PLPPR1: variants seen among roughly 807,000 people sequenced by gnomAD.
The protein encoded by PLPPR1 is phospholipid phosphatase-related protein type 1.
Under a neutral mutation model 33.1 loss-of-function variants are expected in PLPPR1, and 10 were observed. That is an observed-to-expected ratio of 0.30 (90% CI 0.19 to 0.51). The LOEUF is 0.51. Ranked by LOEUF, PLPPR1 falls within the 20% of genes least tolerant of loss-of-function variation. The probability of loss-of-function intolerance (pLI) is 0.97; values close to 1 mark genes in which losing one functional copy is unlikely to be tolerated. For missense variants in PLPPR1, 304 were observed against 408.1 expected (o/e 0.74, Z 2.20); for synonymous variants, 151 against 151.0 (o/e 1.00, Z 0.00).
chr9:101,258,600 G>A (rs13340724), intron 2 of PLPPR1, among the ~76,000 whole-genome samples: 1,631 of 152,256 alleles, frequency 0.011, 21 homozygotes, highest in African/African-American at 0.035. Context: ...CCTTAAACAA[G>A]TGAATAAATA....
intron 4 of PLPPR1, among the ~76,000 whole-genome samples, chr9:101,302,731 AT>A (rs1426894859): frequency 2.0e-5 from 3 of 152,126 alleles, no homozygotes; most frequent in Admixed American, 6.5e-5. Flanking sequence ...GTGGGATAAG[AT>A]TTTTTTATCA....
chr9:101,056,538 CT>C (rs969029460), intron 1 of PLPPR1, among the ~76,000 whole-genome samples: 45 of 152,156 alleles, frequency 3.0e-4, no homozygotes, highest in African/African-American at 1.0e-3. Flanking sequence ...GTAGCAATAC[CT>C]TGTGGCCTTT....
chr9:101,272,337 G>A (rs1219668346), intron 3 of PLPPR1, among the ~76,000 whole-genome samples: 2 of 152,042 alleles, frequency 1.3e-5, no homozygotes, highest in Admixed American at 6.6e-5. Flanking sequence ...AATGTTTCAA[G>A]GCCTTTTCAT....
intron 2 of PLPPR1, among the ~76,000 whole-genome samples, chr9:101,199,022 G>T (rs1490562913): frequency 6.6e-6 from 1 of 152,180 alleles, no homozygotes; most frequent in Non-Finnish European, 1.5e-5. Flanking sequence ...CAGAAGTGGT[G>T]CTGAGAACCT....
At chr9:101,295,500 C>T (rs1828608790) in intron 4 of PLPPR1, among the ~76,000 whole-genome samples, 1 of 152,166 alleles carries the variant, frequency 6.6e-6, no homozygotes, top group Non-Finnish European at 1.5e-5. Flanking sequence ...CCAATTCAAT[C>T]CTAAGCCAAA....
At chr9:101,122,314 T>A (rs557557038) in intron 1 of PLPPR1, among the ~76,000 whole-genome samples, 1 of 152,306 alleles carries the variant, frequency 6.6e-6, no homozygotes, top group South Asian at 2.1e-4. Flanking sequence ...TTCCTTCGTT[T>A]TACAAATACT....
At chr9:101,269,809 G>A in intron 2 of PLPPR1, 71 bp from the exon 3 acceptor site, 3 of 1,432,586 alleles carry the variant, frequency 2.1e-6, no homozygotes, top group Non-Finnish European at 3.0e-6. Flanking sequence ...GATGGAGGGA[G>A]TGTGCTCTGA....
chr9:101,178,939 G>C (rs1279604357), intron 1 of PLPPR1, among the ~76,000 whole-genome samples: 1 of 152,118 alleles, frequency 6.6e-6, no homozygotes, highest in Non-Finnish European at 1.5e-5. Context: ...AGTTCCAGAG[G>C]GAGGAACACT....
intron 1 of PLPPR1, among the ~76,000 whole-genome samples, chr9:101,039,950 A>G (rs1830057474): frequency 6.6e-6 from 1 of 152,088 alleles, no homozygotes; most frequent in Admixed American, 6.5e-5. Flanking sequence ...ATAGAGACTT[A>G]AACCAGAAGT....
intron 2 of PLPPR1, among the ~76,000 whole-genome samples, chr9:101,203,628 A>T (rs1826531268): frequency 6.9e-6 from 1 of 143,886 alleles, no homozygotes; most frequent in African/African-American, 2.5e-5. Context: ...GAGGAAAAAA[A>T]TGGACATCTG....
At chr9:101,036,255 T>C (rs901646435) in intron 1 of PLPPR1, among the ~76,000 whole-genome samples, 1 of 152,146 alleles carries the variant, frequency 6.6e-6, no homozygotes, top group Non-Finnish European at 1.5e-5. Context: ...GAACAGTGTA[T>C]ATGGCAAGGG....
At chr9:101,294,652 A>G (rs1314073608) in intron 4 of PLPPR1, among the ~76,000 whole-genome samples, 1 of 152,146 alleles carries the variant, frequency 6.6e-6, no homozygotes, top group Admixed American at 6.6e-5. Context: ...TTCAGTATAC[A>G]CAAATCAATA....
chr9:101,158,427 T>A (rs1424371411), intron 1 of PLPPR1, among the ~76,000 whole-genome samples: 1 of 152,144 alleles, frequency 6.6e-6, no homozygotes, highest in Admixed American at 6.5e-5. Context: ...TCATCTCAGT[T>A]TGGATCTTTC....
chr9:101,279,823 G>A (rs1031455989), intron 3 of PLPPR1, among the ~76,000 whole-genome samples: 4 of 151,684 alleles, frequency 2.6e-5, no homozygotes, highest in African/African-American at 9.7e-5. Flanking sequence ...GTACTAAGAG[G>A]GAATTTTATA....
intron 1 of PLPPR1, among the ~76,000 whole-genome samples, chr9:101,106,419 G>A (rs1427259583): frequency 7.7e-6 from 1 of 129,270 alleles, no homozygotes; most frequent in African/African-American, 3.2e-5. Context: ...GCTTTGTTTG[G>A]CTGGATATGA....
chr9:101,093,165 GATAAGAATAACA>G (rs1202074126), intron 1 of PLPPR1, among the ~76,000 whole-genome samples: 1 of 152,178 alleles, frequency 6.6e-6, no homozygotes, highest in Non-Finnish European at 1.5e-5. Flanking sequence ...TTTCAAATTT[GATAAGAATAACA>G]ATAGCACTTT....
chr9:101,285,750 A>G (rs867846869), intron 3 of PLPPR1, among the ~76,000 whole-genome samples: 2 of 152,178 alleles, frequency 1.3e-5, no homozygotes, highest in Non-Finnish European at 2.9e-5. Context: ...TCTTGGGCAC[A>G]TTGGCTGTCT....
At chr9:101,268,479 TGCTAGAG>T (rs1242296275) in intron 2 of PLPPR1, among the ~76,000 whole-genome samples, 2 of 152,168 alleles carry the variant, frequency 1.3e-5, no homozygotes, top group African/African-American at 2.4e-5. Flanking sequence ...TGCCTCTCTG[TGCTAGAG>T]TTTAGCTACT....
At chr9:101,286,364 T>A (rs536447636) in intron 4 of PLPPR1, 128 bp downstream of exon 4, 653 of 804,984 alleles carry the variant, frequency 8.1e-4, no homozygotes, top group Non-Finnish European at 1.1e-3. Flanking sequence ...ATTTTCCTGA[T>A]CCTACTGCCA....
Sources: gnomAD v4.1 joint callset for allele counts (sites outside exome capture counted in the v4.1 genomes callset) on GRCh38, gnomAD v4.1.1 for gene constraint, MANE v1.5 for transcripts, NCBI Gene and HGNC (gene_info 2026-07-23, HGNC 2026-07-21) for gene names.